Variants in PRKCZ observed in about 807,000 individuals in gnomAD.
The protein encoded by PRKCZ is protein kinase C zeta, also known as protein kinase C zeta type.
PRKCZ carries 33 observed loss-of-function variants against 79.5 expected under a neutral mutation model. That is an observed-to-expected ratio of 0.41 (90% CI 0.31 to 0.55). The LOEUF is 0.55. PRKCZ is among the 20% of genes least tolerant of loss of function. The pLI, the probability that PRKCZ is intolerant of heterozygous loss-of-function variation, is 0.19. For synonymous variants in PRKCZ, 342 were observed against 320.9 expected (o/e 1.07, Z -0.70); for missense variants, 578 against 813.5 (o/e 0.71, Z 3.52).
At chr1:2,160,303 T>C (rs951972041) in intron 10 of PRKCZ, among the ~76,000 whole-genome samples, 1 of 151,644 alleles carries the variant, frequency 6.6e-6, no homozygotes, top group Non-Finnish European at 1.5e-5. Context: ...CCCGAAGCTC[T>C]GGAGAGGGAG....
chr1:2,174,527 G>C lies in PRKCZ; in HGVS notation c.1406-227G>C, dbSNP rs564448087. On this transcript the variant is annotated intron_variant, in intron 14 of 17. Coordinates refer to ENST00000378567, the MANE Select transcript of PRKCZ (RefSeq NM_002744.6). This position sits in a 1 kb window ranked among gnomAD's most constrained non-coding sequence, Gnocchi z 6.2. ...ATCTTGGGGCTGAGGAAGGGGAGCT[G>C]CTGGTTCACGTCCGATCCTACGACA... 6.6e-6 allele frequency among the ~76,000 whole-genome samples: 1 copy of C among 152,250 alleles called. No individual in the cohort carries two copies. The highest frequency in any genetic ancestry group is 2.4e-5 in the African/African-American group (1 of 41,476).
At chr1:2,083,436 T>A (rs1411522164) in intron 4 of PRKCZ, among the ~76,000 whole-genome samples, 1 of 152,226 alleles carries the variant, frequency 6.6e-6, no homozygotes, top group Non-Finnish European at 1.5e-5. Context: ...GAGGAATATT[T>A]ATTCCTCATT....
At chr1:2,064,887 A>G (rs1177168700) in intron 4 of PRKCZ, among the ~76,000 whole-genome samples, 2 of 152,190 alleles carry the variant, frequency 1.3e-5, no homozygotes, top group African/African-American at 4.8e-5. Context: ...TCTGCAAAAA[A>G]CATTATTGTG....
intron 4 of PRKCZ, among the ~76,000 whole-genome samples, chr1:2,116,883 G>A (rs141443209): frequency 1.2e-3 from 177 of 152,174 alleles, no homozygotes; most frequent in Non-Finnish European, 1.1e-3. Context: ...TGGGAGATTA[G>A]CATCTTTACA....
intron 9 of PRKCZ, among the ~76,000 whole-genome samples, chr1:2,154,501 C>T (rs1268378794): frequency 2.0e-5 from 3 of 151,992 alleles, no homozygotes; most frequent in South Asian, 4.2e-4. Context: ...ACGAAACTTC[C>T]GGGAGTGGGG....
chr1:2,070,612 G>A (rs1229986924), intron 4 of PRKCZ, among the ~76,000 whole-genome samples: 1 of 152,114 alleles, frequency 6.6e-6, no homozygotes, highest in African/African-American at 2.4e-5. Flanking sequence ...GGGAAGTGGA[G>A]GAACCTGGGC....
intron 4 of PRKCZ, among the ~76,000 whole-genome samples, chr1:2,064,541 G>A (rs1477220592): frequency 6.6e-6 from 1 of 152,196 alleles, no homozygotes; most frequent in Non-Finnish European, 1.5e-5. Context: ...GTTAATTTTT[G>A]TATGTGGTGT....
At chr1:2,151,851 T>C (rs1386954647) in intron 9 of PRKCZ, among the ~76,000 whole-genome samples, 2 of 151,882 alleles carry the variant, frequency 1.3e-5, no homozygotes, top group Non-Finnish European at 2.9e-5. Flanking sequence ...GTAGAGGCAG[T>C]GTCTCATTCT....
chr1:2,100,486 C>T (rs1016773627), intron 4 of PRKCZ, among the ~76,000 whole-genome samples: 1 of 152,216 alleles, frequency 6.6e-6, no homozygotes, highest in African/African-American at 2.4e-5. Context: ...TCTCCCCGGA[C>T]GATCTCCTCC....
chr1:2,180,491 G>A (rs971632499), intron 16 of PRKCZ, among the ~76,000 whole-genome samples: 4 of 151,808 alleles, frequency 2.6e-5, no homozygotes, highest in African/African-American at 4.8e-5. Flanking sequence ...ACGCACAGAC[G>A]ACGCGGACGC....
chr1:2,054,564 C>T (rs374388137), intron 1 of PRKCZ, among the ~76,000 whole-genome samples: 15 of 151,224 alleles, frequency 9.9e-5, no homozygotes, highest in South Asian at 2.1e-4. Flanking sequence ...CTGTGTGACT[C>T]GGTTTTAAAA....
chr1:2,136,610 G>C (rs1676257320), intron 5 of PRKCZ, among the ~76,000 whole-genome samples: 1 of 152,184 alleles, frequency 6.6e-6, no homozygotes, highest in Non-Finnish European at 1.5e-5. Context: ...AGGCGGCTGT[G>C]TGCTTAGGGC....
intron 4 of PRKCZ, among the ~76,000 whole-genome samples, chr1:2,065,112 G>A (rs888530758): frequency 1.3e-5 from 2 of 152,190 alleles, no homozygotes; most frequent in African/African-American, 4.8e-5. Context: ...GCTGTTGCAA[G>A]TGGAATTGTT....
intron 4 of PRKCZ, among the ~76,000 whole-genome samples, chr1:2,102,856 T>C (rs1427256544): frequency 6.6e-6 from 1 of 151,908 alleles, no homozygotes; most frequent in African/African-American, 2.4e-5. Flanking sequence ...CTCTTGACTG[T>C]TTTTATATTC....
intron 5 of PRKCZ, among the ~76,000 whole-genome samples, chr1:2,139,260 A>T (rs1446577354): frequency 6.6e-6 from 1 of 152,162 alleles, no homozygotes; most frequent in Non-Finnish European, 1.5e-5. Flanking sequence ...AGGGAAACAC[A>T]AGACATTTTC....
chr1:2,178,574 T>C lies in PRKCZ; in HGVS notation c.1575+3261T>C, dbSNP rs1178450042. 6.6e-6 allele frequency among the ~76,000 whole-genome samples: 1 copy of C among 152,184 alleles called. No homozygotes were observed. The highest frequency in any genetic ancestry group is 2.4e-5 in the African/African-American group (1 of 41,440). The stretch of plus-strand genomic sequence containing the variant: ...CTGGGTGGACACGTGTTTATTTCTC[T>C]TGGGCACGTGCTCAGGGCGCAGTTG... On this transcript the variant is annotated intron_variant, in intron 16 of 17. Coordinates refer to ENST00000378567, the MANE Select transcript of PRKCZ (RefSeq NM_002744.6). This position sits in a 1 kb window ranked among gnomAD's most constrained non-coding sequence, Gnocchi z 4.3.
chr1:2,083,223 C>T (rs1449895502), intron 4 of PRKCZ, among the ~76,000 whole-genome samples: 10 of 152,074 alleles, frequency 6.6e-5, no homozygotes, highest in Non-Finnish European at 1.2e-4. Context: ...GAGGTGGCTG[C>T]GTCCATGTCT....
intron 10 of PRKCZ, among the ~76,000 whole-genome samples, chr1:2,163,331 C>T (rs929541394): frequency 7.9e-5 from 12 of 152,202 alleles, no homozygotes; most frequent in Non-Finnish European, 1.3e-4. Context: ...GTTCTGGAGC[C>T]CACAGAGGAG....
Position 2,095,920 on chromosome 1 carries a change from C to T in PRKCZ, c.334+36329C>T, listed in dbSNP as rs117760611. 3.6e-3 allele frequency among the ~76,000 whole-genome samples: 482 copies of T among 133,690 alleles called. 16 individuals are homozygous for T. In the East Asian group the frequency reaches 0.059, roughly 16 times the overall value. The allele number at this position is 133,690 out of a possible 152,430, so 87.7% of individuals were successfully genotyped here. A position where few individuals can be genotyped will look rare whatever the true frequency, so the allele number is the denominator to read the frequency against. On this transcript the variant is annotated intron_variant, in intron 4 of 17. Coordinates refer to ENST00000378567, the MANE Select transcript of PRKCZ (RefSeq NM_002744.6). ...CTCCCCTCCTCTCCCCTCCTCTCCC[C>T]TCCCTTCCCCTCTCCTCCTTTCCCC...
Sources: gnomAD v4.1 joint callset for allele counts (sites outside exome capture counted in the v4.1 genomes callset) on GRCh38, gnomAD v4.1.1 for gene constraint, Gnocchi (gnomAD v3.1) non-coding constraint, MANE v1.5 for transcripts, NCBI Gene and HGNC (gene_info 2026-07-23, HGNC 2026-07-21) for gene names.